Variants in C7 observed in about 807,000 individuals in gnomAD.
C7 encodes the protein complement C7.
C7 carries 83 observed loss-of-function variants against 104.8 expected under a neutral mutation model. The ratio of observed to expected loss-of-function variants is 0.79; its 90% CI spans 0.66 to 0.95. C7 has a LOEUF of 0.95. Ranked by LOEUF, C7 falls within the 40% of genes least tolerant of loss-of-function variation. C7 has a pLI of 0.00. For synonymous variants in C7, 415 were observed against 360.6 expected (o/e 1.15, Z -1.71); for missense variants, 1,070 against 1,011.2 (o/e 1.06, Z -0.79).
intron 6 of C7, among the ~76,000 whole-genome samples, chr5:40,939,192 C>A (rs548747619): frequency 6.3e-4 from 96 of 152,312 alleles, no homozygotes; most frequent in African/African-American, 2.2e-3. Context: ...AGCAAACATA[C>A]CGTCTTCCAA....
At chr5:40,919,053 C>T (rs1418551078) in intron 1 of C7, among the ~76,000 whole-genome samples, 1 of 151,434 alleles carries the variant, frequency 6.6e-6, no homozygotes, top group Non-Finnish European at 1.5e-5. Flanking sequence ...AGAACTTTCT[C>T]CAGGACAGAT....
At chr5:40,936,741 C>T (rs35642126) in intron 5 of C7, among the ~76,000 whole-genome samples, 68,055 of 151,674 alleles carry the variant, frequency 0.45, 15,711 homozygotes, top group African/African-American at 0.58. Context: ...TCCAAGAAAC[C>T]CCTCAGGCCC....
In C7 at chr5:40,971,089, G is replaced by A. The variant is rs182667574; in HGVS notation, c.1883-1314G>A. 7.9e-5 allele frequency among the ~76,000 whole-genome samples: 12 copies of A among 152,196 alleles called. No individual in the cohort carries two copies. The East Asian group carries it at 2.1e-3, about 27-fold the overall frequency. ...ACAGTAGAATGATTTATAACCCTTT[G>A]GGTATATACCCAGTAACGGGATTGC... On this transcript the variant is annotated intron_variant, in intron 14 of 17. Transcript: ENST00000313164.
In C7 at chr5:40,945,165, T is replaced by A. The variant is rs1310556867; in HGVS notation, c.568-33T>A. 10 of 1,188,044 alleles carry A rather than the reference T, an allele frequency of 8.4e-6. No individual in the cohort carries two copies. The African/African-American group carries it at 1.4e-4, about 17-fold the overall frequency. The allele number at this position is 1,188,044 out of a possible 1,614,324, so 73.6% of individuals were successfully genotyped here. ...CATGATAAAGGATCCAGCATTAATT[T>A]AGTCATAGCAAAATTTTTCATTTTC... On this transcript the variant is annotated intron_variant, in intron 6 of 17. Transcript: ENST00000313164.
intron 9 of C7, 62 bp downstream of exon 9, chr5:40,950,076 T>C (rs1740135829): frequency 2.1e-6 from 2 of 953,182 alleles, no homozygotes; most frequent in Non-Finnish European, 1.6e-6. Context: ...ACTTTTAAGT[T>C]CAAGGGTACG....
At chr5:40,940,903 A>T (rs1739921086) in intron 6 of C7, among the ~76,000 whole-genome samples, 1 of 152,176 alleles carries the variant, frequency 6.6e-6, no homozygotes, top group South Asian at 2.1e-4. Flanking sequence ...ACCCCCTCAG[A>T]GCAGACACTA....
chr5:40,924,086 A>G (rs1739500885), intron 1 of C7, among the ~76,000 whole-genome samples: 1 of 152,216 alleles, frequency 6.6e-6, no homozygotes, highest in South Asian at 2.1e-4. Context: ...GACAAGGTCC[A>G]ATCTGGAGAT....
intron 12 of C7, among the ~76,000 whole-genome samples, chr5:40,960,024 T>TA (rs1387239713): frequency 6.6e-6 from 1 of 152,248 alleles, no homozygotes; most frequent in Non-Finnish European, 1.5e-5. Flanking sequence ...AAGTGATTAC[T>TA]AAGCATTCAT....
chr5:40,941,091 A>G (rs1338533685), intron 6 of C7, among the ~76,000 whole-genome samples: 2 of 147,332 alleles, frequency 1.4e-5, no homozygotes, highest in African/African-American at 2.5e-5. Flanking sequence ...AGGGAGTCTC[A>G]TTCACCCATT....
At position 40,976,763 on chromosome 5, in the gene C7, A is replaced by C; in HGVS notation, c.2088A>C (p.Thr696=). ...ATCCTTTTTTAGAAAATCCGTTAAC[A>C]CAGGCAGTGCCTAAATGTCAGCGCT... ...ARCVQKENPL[T]QAVPKCQRWE... The change falls in exon 16 of 18, where the codon ACA becomes ACC. Residue 696 remains threonine, a synonymous_variant. Coordinates refer to ENST00000313164, the MANE Select transcript of C7 (RefSeq NM_000587.4). 1 of 1,599,736 alleles carries C rather than the reference A, an allele frequency of 6.3e-7. No individual in the cohort carries two copies.
intron 1 of C7, among the ~76,000 whole-genome samples, chr5:40,928,247 G>A (rs984525954): frequency 6.6e-6 from 1 of 152,098 alleles, no homozygotes; most frequent in African/African-American, 2.4e-5. Context: ...ACAGAGACTG[G>A]GGTAATAGGG....
intron 9 of C7, among the ~76,000 whole-genome samples, chr5:40,955,182 G>A (rs1481995256): frequency 2.0e-5 from 3 of 152,134 alleles, no homozygotes; most frequent in African/African-American, 7.2e-5. Context: ...AACGACATGT[G>A]CCCACCATTG....
At chr5:40,916,898 C>T (rs1298539107) in intron 1 of C7, among the ~76,000 whole-genome samples, 1 of 152,012 alleles carries the variant, frequency 6.6e-6, no homozygotes, top group African/African-American at 2.4e-5. Flanking sequence ...AAAATCTACT[C>T]TCTTAGGAGT....
intron 1 of C7, 139 bp from the exon 2 acceptor site, chr5:40,928,441 G>A: frequency 3.4e-6 from 2 of 591,746 alleles, no homozygotes; most frequent in Non-Finnish European, 3.0e-6. Flanking sequence ...TAACTGGCTT[G>A]ATGAAATTAT....
intron 15 of C7, among the ~76,000 whole-genome samples, chr5:40,975,085 A>T (rs1214383839): frequency 6.6e-6 from 1 of 152,216 alleles, no homozygotes; most frequent in Non-Finnish European, 1.5e-5. Context: ...GATGTAGATA[A>T]TACCATTTTT....
rs1240185830 is a variant in C7 at position 40,968,568 on chromosome 5, TTATATATATA to T, written c.1882+3719_1882+3728del. Among the ~76,000 whole-genome samples, 275 of 63,632 alleles carry T rather than the reference TTATATATATA, an allele frequency of 4.3e-3. 3 individuals carry two copies. Among genetic ancestry groups the T allele is most frequent in the African/African-American group, 0.013 (257 of 19,524 alleles). 41.7% of individuals were successfully genotyped at this position (63,632 alleles called of 152,430 possible). On this transcript the variant is annotated intron_variant, in intron 14 of 17. Transcript: ENST00000313164. ...TCAACTTAAAACAATTATATATATTTTATATATATATATATATATATATATATATATATTT... is the reference window on the plus strand; with the variant it reads ...TCAACTTAAAACAATTATATATATTTTATATATATATATATATATATATTT...
chr5:40,916,768 A>T (rs1292948796), intron 1 of C7, among the ~76,000 whole-genome samples: 1 of 152,150 alleles, frequency 6.6e-6, no homozygotes, highest in Non-Finnish European at 1.5e-5. Context: ...GACAAATAAA[A>T]ATTGTGTCTA....
At chr5:40,931,025 T>A (rs751313642) in intron 2 of C7, 39 bp from the exon 3 acceptor site, 2 of 1,401,318 alleles carry the variant, frequency 1.4e-6, no homozygotes, top group Non-Finnish European at 2.0e-6. Flanking sequence ...TGCGTATCTT[T>A]CCACCTGCTT....
At chr5:40,929,724 A>G (rs555662280) in intron 2 of C7, among the ~76,000 whole-genome samples, 2 of 152,276 alleles carry the variant, frequency 1.3e-5, no homozygotes, top group Middle Eastern at 3.4e-3. Flanking sequence ...CCAGAATGTG[A>G]GCATTTTATG....
Sources: gnomAD v4.1 joint callset for allele counts (sites outside exome capture counted in the v4.1 genomes callset) on GRCh38, gnomAD v4.1.1 for gene constraint, MANE v1.5 for transcripts, NCBI Gene and HGNC (gene_info 2026-07-23, HGNC 2026-07-21) for gene names.